Variants in PXYLP1 observed in about 807,000 individuals in gnomAD.
The protein encoded by PXYLP1 is acid phosphatase-like 2.
PXYLP1 carries 17 observed loss-of-function variants against 37.9 expected under a neutral mutation model. That is an observed-to-expected ratio of 0.45 (90% CI 0.31 to 0.67). PXYLP1 has a LOEUF of 0.67. Among genes scored for constraint, PXYLP1 ranks in the 30% least tolerant of loss-of-function variants. The pLI is 0.07. For synonymous variants in PXYLP1, 221 were observed against 232.2 expected (o/e 0.95, Z 0.44); for missense variants, 511 against 612.0 (o/e 0.84, Z 1.74).
intron 1 of PXYLP1, among the ~76,000 whole-genome samples, chr3:141,256,908 A>T (rs558942543): frequency 6.6e-6 from 1 of 152,302 alleles, no homozygotes; most frequent in Admixed American, 6.5e-5. Flanking sequence ...GGATGTTCCC[A>T]CTGTTCAGCA....
At chr3:141,274,556 T>C (rs953960404) in intron 2 of PXYLP1, 3 of 1,102,802 alleles carry the variant, frequency 2.7e-6, no homozygotes, top group Non-Finnish European at 4.0e-6. Flanking sequence ...CCCTCAGTGC[T>C]CCACATGAGG....
At chr3:141,274,347 A>G (rs1941739661) in intron 2 of PXYLP1, 6 of 1,412,556 alleles carry the variant, frequency 4.2e-6, no homozygotes, top group Admixed American at 2.9e-5. Context: ...CAACCTGACC[A>G]GGCCTTACGG....
chr3:141,260,342 T>A, intron 2 of PXYLP1, 88 bp downstream of exon 2: 1 of 1,448,176 alleles, frequency 6.9e-7, no homozygotes, highest in Non-Finnish European at 9.4e-7. Flanking sequence ...TATAAATGAA[T>A]GATGAGGCTG....
intron 4 of PXYLP1, among the ~76,000 whole-genome samples, chr3:141,283,151 T>TA (rs1559895383): frequency 6.6e-6 from 1 of 151,544 alleles, no homozygotes; most frequent in African/African-American, 2.4e-5. Flanking sequence ...ATTTTTTTTT[T>TA]TTTTTATTTT....
chr3:141,261,745 ACCAGC>A (rs1039460092), intron 2 of PXYLP1, among the ~76,000 whole-genome samples: 11 of 139,626 alleles, frequency 7.9e-5, no homozygotes, highest in African/African-American at 3.2e-4. Flanking sequence ...TATCCCAGGA[ACCAGC>A]ACTGCCTAGC....
In PXYLP1 at chr3:141,292,172, C is replaced by G. The variant is rs1055346499; in HGVS notation, c.506-96C>G. 3.2e-6 allele frequency: 4 copies of G among 1,257,862 alleles called. No homozygotes were observed. The African/African-American group carries it at 4.5e-5, about 14-fold the overall frequency. 77.9% of individuals were successfully genotyped at this position (1,257,862 alleles called of 1,614,324 possible). A position where few individuals can be genotyped will look rare whatever the true frequency, so the allele number is the denominator to read the frequency against. ...ACAGGCTGGATGCCATTCTCTTGCC[C>G]TAAAACACTCCAGAGCCACACGCTG... On this transcript the variant is annotated intron_variant, in intron 5 of 5. Coordinates refer to ENST00000286353, the MANE Select transcript of PXYLP1 (RefSeq NM_001037172.3). This position sits in a 1 kb window ranked among gnomAD's most constrained non-coding sequence, Gnocchi z 4.3.
intron 1 of PXYLP1, among the ~76,000 whole-genome samples, chr3:141,238,028 G>A (rs1041826568): frequency 6.6e-6 from 1 of 152,332 alleles, no homozygotes; most frequent in African/African-American, 2.4e-5. Flanking sequence ...CTGGTTGACA[G>A]AATGCTGCCC....
intron 2 of PXYLP1, among the ~76,000 whole-genome samples, chr3:141,275,454 C>T (rs377616064): frequency 2.0e-5 from 3 of 152,242 alleles, no homozygotes; most frequent in East Asian, 3.8e-4. Flanking sequence ...GTCCCTGGCC[C>T]AGACTCCAAG....
chr3:141,293,734 T>A lies in PXYLP1; in HGVS notation c.*529T>A, dbSNP rs1260568428. ...TCTCTGTCATAACTACTCAACTCTG[T>A]TTCTGAAGCAGGAAAGCCACCACAG... On this transcript the variant is annotated 3_prime_UTR_variant, in exon 6 of 6. Coordinates refer to ENST00000286353, the MANE Select transcript of PXYLP1 (RefSeq NM_001037172.3). The A allele has an allele frequency of 6.4e-6, 1 of 155,474 alleles. No homozygotes were observed. Among genetic ancestry groups the A allele is most frequent in the Admixed American group, 6.2e-5 (1 of 16,068 alleles). The allele number at this position is 155,474 out of a possible 1,614,324, so 9.6% of individuals were successfully genotyped here. A position where few individuals can be genotyped will look rare whatever the true frequency, so the allele number is the denominator to read the frequency against.
rs757229727 is a variant in PXYLP1 at position 141,292,714 on chromosome 3, A to C, written c.952A>C (p.Met318Leu). ...CTGTACCAGAAATGGCTGTGTTGAC[A>C]TGGAGCACTTCAAGGTAATTAAGAC... ...FPCTRNGCVD[M>L]EHFKVIKTHQ... is the part of the protein sequence containing the mutation. The change falls in exon 6 of 6, where the codon ATG (methionine) becomes CTG (leucine). Residue 318 changes from methionine to leucine, a missense_variant. By Grantham distance (15) the Met-to-Leu change is conservative. Coordinates refer to ENST00000286353, the MANE Select transcript of PXYLP1 (RefSeq NM_001037172.3). The surrounding 1 kb of genome is among the most constrained non-coding windows in gnomAD (Gnocchi z 4.3). The C allele has an allele frequency of 8.1e-6, 13 of 1,614,024 alleles. No individual in the cohort carries two copies. The highest frequency in any genetic ancestry group is 1.0e-5 in the Non-Finnish European group (12 of 1,180,030).
rs1361164676 is a variant in PXYLP1, at chr3:141,248,769, GTATATATACACACGTATA to G, written c.-53-11347_-53-11330del. ...CACACGTATATATATACACACACGT[GTATATATACACACGTATA>G]TATATACACACACGTGTATATATAC... is the stretch of plus-strand genomic sequence containing the variant. On this transcript the variant is annotated intron_variant, in intron 1 of 5. Coordinates refer to ENST00000286353, the MANE Select transcript of PXYLP1 (RefSeq NM_001037172.3). Among the ~76,000 whole-genome samples the G allele has an allele frequency of 1.2e-4, 5 of 41,324 alleles. 1 individual carries two copies. Among genetic ancestry groups the G allele is most frequent in the Non-Finnish European group, 2.6e-4 (5 of 19,568 alleles). 27.1% of individuals were successfully genotyped at this position (41,324 alleles called of 152,430 possible). A position where few individuals can be genotyped will look rare whatever the true frequency, so the allele number is the denominator to read the frequency against.
chr3:141,233,783 A>G (rs1439361444), intron 1 of PXYLP1, among the ~76,000 whole-genome samples: 2 of 152,168 alleles, frequency 1.3e-5, no homozygotes, highest in South Asian at 2.1e-4. Context: ...TCTTTTTTCT[A>G]TTGATCAGCT....
At chr3:141,285,740 T>C (rs747859898) in intron 4 of PXYLP1, among the ~76,000 whole-genome samples, 1 of 152,186 alleles carries the variant, frequency 6.6e-6, no homozygotes, top group Non-Finnish European at 1.5e-5. Flanking sequence ...ATGGATAGCC[T>C]TTGTTTATGT....
chr3:141,256,380 T>TA (rs1941262832), intron 1 of PXYLP1, among the ~76,000 whole-genome samples: 1 of 152,208 alleles, frequency 6.6e-6, no homozygotes, highest in East Asian at 1.9e-4. Context: ...CAGATCTGCC[T>TA]ATCTTTGGAG....
rs779622834 is a variant in PXYLP1, at chr3:141,292,505, C to T, written c.743C>T (p.Pro248Leu). The change falls in exon 6 of 6, where the codon CCG becomes CTG. Residue 248 changes from proline to leucine, a missense_variant. Pro to Leu is a moderately conservative substitution (Grantham distance 98, BLOSUM62 -3). Coordinates refer to ENST00000286353, the MANE Select transcript of PXYLP1 (RefSeq NM_001037172.3). This position sits in a 1 kb window ranked among gnomAD's most constrained non-coding sequence, Gnocchi z 4.3. ...ALFCSGSCYCPVRNQYLEKEQ... is the reference protein window; with the variant it reads ...ALFCSGSCYCLVRNQYLEKEQ... ...TTCTGCTCTGGAAGCTGCTATTGCC[C>T]GGTAAGAAACCAGTATCTGGAAAAG... 20 of 1,614,072 alleles carry T rather than the reference C, an allele frequency of 1.2e-5. No homozygotes were observed. Among genetic ancestry groups the T allele is most frequent in the South Asian group, 2.2e-5 (2 of 91,090 alleles).
At chr3:141,244,360 CT>C (rs1472417009) in intron 1 of PXYLP1, among the ~76,000 whole-genome samples, 81 of 140,234 alleles carry the variant, frequency 5.8e-4, no homozygotes, top group Middle Eastern at 3.6e-3. Context: ...TCTGTCATTA[CT>C]CACCTTTTTT....
chr3:141,285,638 A>C (rs1287724640), intron 4 of PXYLP1, among the ~76,000 whole-genome samples: 2 of 152,220 alleles, frequency 1.3e-5, no homozygotes, highest in Non-Finnish European at 2.9e-5. Context: ...ATGAAATTCC[A>C]TTTCTAAAAT....
chr3:141,243,671 G>C (rs1199198521), intron 1 of PXYLP1, among the ~76,000 whole-genome samples: 2 of 152,208 alleles, frequency 1.3e-5, no homozygotes, highest in Admixed American at 6.5e-5. Flanking sequence ...TGTCTGTACG[G>C]TGCATTTCCT....
chr3:141,279,544 G>A, intron 4 of PXYLP1, 40 bp downstream of exon 4: 2 of 1,612,150 alleles, frequency 1.2e-6, no homozygotes, highest in Non-Finnish European at 1.7e-6. Context: ...TCAAGTGTCT[G>A]TTATATCCTG....
Sources: allele counts gnomAD v4.1 joint callset (sites outside exome capture counted in the v4.1 genomes callset), GRCh38; gene constraint gnomAD v4.1.1; non-coding constraint Gnocchi (gnomAD v3.1); transcripts MANE v1.5; gene names NCBI Gene and HGNC (gene_info 2026-07-23, HGNC 2026-07-21).